Variants in ABCC4 observed in about 807,000 individuals in gnomAD.
ABCC4 encodes ATP-binding cassette sub-family C member 4.
Under a neutral mutation model 168.5 loss-of-function variants are expected in ABCC4, and 102 were observed. That is an observed-to-expected ratio of 0.61 (90% confidence interval 0.52 to 0.71). The LOEUF (loss-of-function observed/expected upper bound fraction) is 0.71. Ranked by LOEUF, ABCC4 falls within the 30% of genes least tolerant of loss-of-function variation. The pLI is 0.00. For missense variants in ABCC4, 1,402 were observed against 1,605.8 expected (o/e 0.87, Z 2.17); for synonymous variants, 617 against 590.7 (o/e 1.04, Z -0.65).
At chr13:95,025,405 C>A (rs1477810096) in intron 30 of ABCC4, among the ~76,000 whole-genome samples, 1 of 83,466 alleles carries the variant, frequency 1.2e-5, no homozygotes. Flanking sequence ...ACACACATAC[C>A]CCCACCACAC....
chr13:95,119,853 T>C (rs144989510), intron 19 of ABCC4, among the ~76,000 whole-genome samples: 171 of 152,334 alleles, frequency 1.1e-3, no homozygotes, highest in African/African-American at 3.4e-3. Flanking sequence ...TTTTAGTAAC[T>C]TTACTGAGTG....
At chr13:95,222,124 A>C (rs1224738072) in intron 4 of ABCC4, among the ~76,000 whole-genome samples, 1 of 152,156 alleles carries the variant, frequency 6.6e-6, no homozygotes, top group Non-Finnish European at 1.5e-5. Flanking sequence ...CCCTCCATCT[A>C]TTCAGTAAGG....
chr13:95,239,011 A>G (rs1030520333), intron 3 of ABCC4, among the ~76,000 whole-genome samples: 2 of 152,220 alleles, frequency 1.3e-5, no homozygotes, highest in Admixed American at 6.5e-5. Context: ...AATGTTCAGT[A>G]AAGACTGTAC....
chr13:95,157,888 G>T (rs1321248318), intron 19 of ABCC4, among the ~76,000 whole-genome samples: 1 of 151,764 alleles, frequency 6.6e-6, no homozygotes, highest in Admixed American at 6.6e-5. Context: ...TGGCCAACAC[G>T]GTGAAACCCG....
At chr13:95,078,383 A>G (rs2139322610) in intron 21 of ABCC4, among the ~76,000 whole-genome samples, 1 of 152,046 alleles carries the variant, frequency 6.6e-6, no homozygotes, top group South Asian at 2.1e-4. Flanking sequence ...ACTGCACTCC[A>G]GCCTGGGTGA....
At chr13:95,068,845 C>G (rs1343045345) in intron 25 of ABCC4, among the ~76,000 whole-genome samples, 2 of 152,200 alleles carry the variant, frequency 1.3e-5, no homozygotes, top group African/African-American at 4.8e-5. Flanking sequence ...TGATGTTGAT[C>G]AGGTAGGACC....
intron 20 of ABCC4, among the ~76,000 whole-genome samples, chr13:95,087,849 T>C (rs1007383916): frequency 6.6e-6 from 1 of 152,336 alleles, no homozygotes; most frequent in Middle Eastern, 3.4e-3. Context: ...ATCTCTACTT[T>C]ACATCTGTTT....
chr13:95,166,466 T>C (rs971954666), intron 14 of ABCC4, 99 bp from the exon 15 acceptor site: 12 of 1,022,566 alleles, frequency 1.2e-5, no homozygotes, highest in Non-Finnish European at 1.6e-5. Flanking sequence ...TCTTAAGTTA[T>C]GATTATACTT....
At chr13:95,106,813 T>C (rs2139388354) in intron 20 of ABCC4, among the ~76,000 whole-genome samples, 1 of 152,324 alleles carries the variant, frequency 6.6e-6, no homozygotes, top group African/African-American at 2.4e-5. Context: ...GGTGACTCTG[T>C]TCCCAAGCTT....
chr13:95,292,727 T>C (rs2041433010), intron 1 of ABCC4, among the ~76,000 whole-genome samples: 1 of 152,156 alleles, frequency 6.6e-6, no homozygotes, highest in Non-Finnish European at 1.5e-5. Context: ...GATCTCTTCC[T>C]TTCAACCCAC....
At chr13:95,119,702 A>G (rs763440015) in intron 19 of ABCC4, among the ~76,000 whole-genome samples, 8 of 152,188 alleles carry the variant, frequency 5.3e-5, no homozygotes, top group Non-Finnish European at 1.2e-4. Context: ...AAAACTTGTA[A>G]GTTCCCATGT....
intron 1 of ABCC4, among the ~76,000 whole-genome samples, chr13:95,299,522 C>T (rs1472663678): frequency 6.6e-6 from 1 of 152,056 alleles, no homozygotes; most frequent in Non-Finnish European, 1.5e-5. Context: ...CCATGGGCTG[C>T]CAAATTCGTA....
Position 95,040,758 on chromosome 13 carries a change from C to T in ABCC4, c.3735+2924G>A, listed in dbSNP as rs1005380114. 9.9e-5 allele frequency among the ~76,000 whole-genome samples: 15 copies of T among 152,040 alleles called. 1 individual carries two copies. The highest frequency in any genetic ancestry group is 3.3e-4 in the Admixed American group (5 of 15,250). On this transcript the variant is annotated intron_variant, in intron 29 of 30. Coordinates refer to ENST00000645237, the MANE Select transcript of ABCC4 (RefSeq NM_005845.5). The stretch of plus-strand genomic sequence containing the variant: ...GTTTCTCCAGCTGGTTCTGCTAGAA[C>T]GATTTCTAGTTTGTTTTCTCTGAGG...
At chr13:95,061,361 C>T (rs987905294) in intron 26 of ABCC4, among the ~76,000 whole-genome samples, 18 of 152,058 alleles carry the variant, frequency 1.2e-4, no homozygotes, top group African/African-American at 3.9e-4. Flanking sequence ...TCACATCCTC[C>T]AAATTACTTA....
At chr13:95,153,909 T>G (rs1162776453) in intron 19 of ABCC4, among the ~76,000 whole-genome samples, 2 of 152,336 alleles carry the variant, frequency 1.3e-5, no homozygotes, top group Middle Eastern at 3.4e-3. Context: ...CTATTAGCAG[T>G]AAAGGAGCAA....
At chr13:95,291,626 T>C (rs539679239) in intron 1 of ABCC4, among the ~76,000 whole-genome samples, 1 of 152,190 alleles carries the variant, frequency 6.6e-6, no homozygotes, top group Non-Finnish European at 1.5e-5. Context: ...TGAATTTGCA[T>C]AGGGATAGAA....
At chr13:95,097,789 G>T (rs7350669) in intron 20 of ABCC4, among the ~76,000 whole-genome samples, 1 of 151,170 alleles carries the variant, frequency 6.6e-6, no homozygotes, top group Admixed American at 6.6e-5. Context: ...TAAATCTTTA[G>T]AAATGAAGTT....
rs747675034 is a variant in ABCC4 at position 95,186,868 on chromosome 13, C to T, written c.1378G>A (p.Gly460Arg). 117 of 1,612,916 alleles carry T rather than the reference C, an allele frequency of 7.3e-5. 1 individual carries two copies. In the Admixed American group the frequency reaches 9.7e-4, roughly 13 times the overall value. Residue 460 changes from glycine to arginine, a missense_variant, in exon 11 of 31, where the codon GGG becomes AGG. This residue lies in a region of ABCC4 where 1,007 missense variants were observed against 1,127.3 expected (regional missense o/e 0.89). Transcript: ENST00000645237. ...AGCCCGTGACTTGGGGCCAATTCCCCGAGCACGGCACTTAACAGTGATGAC... is the reference window on the plus strand; with the variant it reads ...AGCCCGTGACTTGGGGCCAATTCCCTGAGCACGGCACTTAACAGTGATGAC... ...GKSSLLSAVL[G>R]ELAPSHGLVS...
intron 26 of ABCC4, among the ~76,000 whole-genome samples, chr13:95,058,177 G>A (rs555882245): frequency 1.3e-5 from 2 of 152,134 alleles, no homozygotes; most frequent in Non-Finnish European, 2.9e-5. Context: ...AATCACAAAT[G>A]ATTCAGTCTT....
Sources: gnomAD v4.1 joint callset for allele counts (sites outside exome capture counted in the v4.1 genomes callset) on GRCh38, gnomAD v4.1.1 for gene constraint, gnomAD v4.1.1 regional missense constraint, MANE v1.5 for transcripts, NCBI Gene and HGNC (gene_info 2026-07-23, HGNC 2026-07-21) for gene names.